The following KCNQ3 variants were observed in gnomAD, a reference collection of about 807,000 sequenced individuals.
The protein encoded by KCNQ3 is potassium voltage-gated channel subfamily Q member 3, also known as potassium voltage-gated channel subfamily KQT member 3.
In KCNQ3, 30 loss-of-function variants were observed where a neutral mutation model predicts 92.5. The observed-to-expected ratio is 0.32, with a 90% confidence interval of 0.24 to 0.44. The LOEUF is 0.44. KCNQ3 is among the 20% of genes least tolerant of loss of function. The pLI, the probability that KCNQ3 is intolerant of heterozygous loss-of-function variation, is 1.00. For missense variants in KCNQ3, 913 were observed against 1,140.3 expected, an observed-to-expected ratio of 0.80 and a Z score of 2.87; for synonymous variants, 450 against 468.8, an observed-to-expected ratio of 0.96 and a Z score of 0.52.
intron 1 of KCNQ3, among the ~76,000 whole-genome samples, chr8:132,478,124 T>C (rs1822457251): frequency 6.6e-6 from 1 of 152,248 alleles, no homozygotes; most frequent in Non-Finnish European, 1.5e-5. Context: ...GACTTTCTTC[T>C]CACAAAGTCT....
intron 1 of KCNQ3, among the ~76,000 whole-genome samples, chr8:132,372,829 A>T (rs994966525): frequency 6.6e-6 from 1 of 150,926 alleles, no homozygotes; most frequent in South Asian, 2.1e-4. Context: ...GTAAGCATCC[A>T]TCACTCTCCT....
In KCNQ3 at chr8:132,156,680, A is replaced by T. The variant is rs564014256; in HGVS notation, c.1262+6788T>A. 7.2e-5 allele frequency among the ~76,000 whole-genome samples: 11 copies of T among 152,268 alleles called. No homozygotes were observed. In the South Asian group the frequency reaches 2.3e-3, roughly 32 times the overall value. On this transcript the variant is annotated intron_variant, in intron 9 of 14. Coordinates refer to ENST00000388996, the MANE Select transcript of KCNQ3 (RefSeq NM_004519.4). ...GTTCCCACCATATGCAACCTACCAC[A>T]CTTGTTTTTGGCAAACACAGAGGGT...
chr8:132,188,516 T>A, intron 1 of KCNQ3, among the ~76,000 whole-genome samples: 1 of 152,228 alleles, frequency 6.6e-6, no homozygotes, highest in East Asian at 1.9e-4. Flanking sequence ...ATGGTTTCCT[T>A]CTGTGTAAAA....
At chr8:132,426,641 A>G (rs1238087540) in intron 1 of KCNQ3, among the ~76,000 whole-genome samples, 1 of 152,218 alleles carries the variant, frequency 6.6e-6, no homozygotes, top group Admixed American at 6.5e-5. Context: ...CACCAATGGA[A>G]TGATTAAAGC....
intron 9 of KCNQ3, among the ~76,000 whole-genome samples, chr8:132,153,248 CT>C (rs1825692383): frequency 6.6e-6 from 1 of 152,184 alleles, no homozygotes; most frequent in Non-Finnish European, 1.5e-5. Context: ...TAGAGTGCCC[CT>C]AACCCAGAGG....
intron 1 of KCNQ3, among the ~76,000 whole-genome samples, chr8:132,245,225 A>G (rs1001751853): frequency 7.2e-5 from 11 of 152,138 alleles, no homozygotes; most frequent in Admixed American, 7.2e-4. Flanking sequence ...GGCAGTTGTA[A>G]GGGTTCTCAG....
At chr8:132,301,733 T>C (rs1040649351) in intron 1 of KCNQ3, among the ~76,000 whole-genome samples, 1 of 152,034 alleles carries the variant, frequency 6.6e-6, no homozygotes, top group Admixed American at 6.6e-5. Context: ...GAGATGGGGA[T>C]ACAGAAATGG....
intron 1 of KCNQ3, among the ~76,000 whole-genome samples, chr8:132,477,852 G>C (rs1485776938): frequency 1.3e-5 from 2 of 152,126 alleles, no homozygotes; most frequent in Admixed American, 6.5e-5. Flanking sequence ...AAATACCCAG[G>C]GTCCCACAAT....
intron 12 of KCNQ3, 98 bp from the exon 13 acceptor site, chr8:132,134,486 G>T: frequency 1.2e-6 from 1 of 854,242 alleles, no homozygotes. Context: ...ATAAGGGTTT[G>T]GAATATATAA....
At chr8:132,400,071 C>G (rs568667314) in intron 1 of KCNQ3, among the ~76,000 whole-genome samples, 1 of 152,304 alleles carries the variant, frequency 6.6e-6, no homozygotes, top group African/African-American at 2.4e-5. Flanking sequence ...AGCAAAGACA[C>G]CTAGGCAGAC....
chr8:132,386,094 C>T (rs948916893), intron 1 of KCNQ3, among the ~76,000 whole-genome samples: 2 of 152,076 alleles, frequency 1.3e-5, no homozygotes, highest in Non-Finnish European at 2.9e-5. Flanking sequence ...TCTGAAAAAT[C>T]CTTCAGGAGA....
At chr8:132,262,821 T>C (rs542040991) in intron 1 of KCNQ3, among the ~76,000 whole-genome samples, 5 of 152,274 alleles carry the variant, frequency 3.3e-5, no homozygotes, top group African/African-American at 9.6e-5. Flanking sequence ...CTGTTTTATA[T>C]GTTGAAAACT....
At chr8:132,426,840 T>A (rs760186568) in intron 1 of KCNQ3, among the ~76,000 whole-genome samples, 9 of 152,190 alleles carry the variant, frequency 5.9e-5, no homozygotes, top group Admixed American at 6.5e-5. Flanking sequence ...GAGTGGATGG[T>A]TGATACATTC....
At chr8:132,242,478 C>G (rs757766983) in intron 1 of KCNQ3, among the ~76,000 whole-genome samples, 5 of 152,180 alleles carry the variant, frequency 3.3e-5, no homozygotes, top group Non-Finnish European at 7.3e-5. Context: ...TGGTAAGCAG[C>G]AGAGTTGCAA....
At chr8:132,324,438 A>G (rs930880938) in intron 1 of KCNQ3, among the ~76,000 whole-genome samples, 5 of 152,230 alleles carry the variant, frequency 3.3e-5, no homozygotes, top group African/African-American at 1.2e-4. Context: ...GTGAATAAAC[A>G]AATGGGCGAA....
At chr8:132,387,821 T>C (rs987221664) in intron 1 of KCNQ3, among the ~76,000 whole-genome samples, 2 of 152,028 alleles carry the variant, frequency 1.3e-5, no homozygotes, top group Non-Finnish European at 2.9e-5. Context: ...GGAAGTATAG[T>C]GAGATCCCAT....
In KCNQ3 at chr8:132,163,513, G is replaced by GA. The variant is rs754643102; in HGVS notation, c.1236-20dup. 58 of 1,606,668 alleles carry GA rather than the reference G, an allele frequency of 3.6e-5. No homozygotes were observed. The highest frequency in any genetic ancestry group is 6.7e-5 in the East Asian group (3 of 44,794). On this transcript the variant is annotated intron_variant, in intron 8 of 14. Transcript: ENST00000388996. ...TTCTTTCCTAGAAAGAGAAGAGGGAGAAAAAATAAAGCATAAATTACGTGA... is the reference window on the plus strand; with the variant it reads ...TTCTTTCCTAGAAAGAGAAGAGGGAGAAAAAAATAAAGCATAAATTACGTGA...
Position 132,215,639 on chromosome 8 carries a change from T to C in KCNQ3, c.387-29458A>G, listed in dbSNP as rs148101382. The stretch of plus-strand genomic sequence containing the variant: ...CCTCTGAGGAGCCTGCACCCACTGC[T>C]GTTTGTTGAAGGAAGTAGACCATGA... On this transcript the variant is annotated intron_variant, in intron 1 of 14. Coordinates refer to ENST00000388996, the MANE Select transcript of KCNQ3 (RefSeq NM_004519.4). Among the ~76,000 whole-genome samples, 236 of 152,274 alleles carry C rather than the reference T, an allele frequency of 1.5e-3. 1 individual carries two copies. The highest frequency in any genetic ancestry group is 2.1e-3 in the Non-Finnish European group (146 of 68,006).
rs554615225 is a variant in KCNQ3 at position 132,377,197 on chromosome 8, G to A, written c.386+102950C>T. 3.9e-5 allele frequency among the ~76,000 whole-genome samples: 6 copies of A among 152,224 alleles called. No homozygotes were observed. In the South Asian group the frequency reaches 1.2e-3, roughly 32 times the overall value. The stretch of plus-strand genomic sequence containing the variant: ...GCCCAAGTAGAACAAAAAGGCAGAG[G>A]AAGGGCAAATTTGCTCTCTCTGCTT... On this transcript the variant is annotated intron_variant, in intron 1 of 14. Coordinates refer to ENST00000388996, the MANE Select transcript of KCNQ3 (RefSeq NM_004519.4).
Sources: gnomAD v4.1 joint callset for allele counts (sites outside exome capture counted in the v4.1 genomes callset) on GRCh38, gnomAD v4.1.1 for gene constraint, MANE v1.5 for transcripts, NCBI Gene and HGNC (gene_info 2026-07-23, HGNC 2026-07-21) for gene names.